DHRS12: variants seen among roughly 807,000 people sequenced by gnomAD.
DHRS12 encodes the protein dehydrogenase/reductase 12.
A neutral mutation model predicts 32.1 loss-of-function variants in DHRS12; 29 were observed. That is an observed-to-expected ratio of 0.90 (90% CI 0.67 to 1.23). DHRS12 has a LOEUF of 1.23. Ranked by LOEUF, DHRS12 falls within the 50% of genes most tolerant of loss-of-function variation. The probability of loss-of-function intolerance (pLI) is 0.00; values close to 1 mark genes in which losing one functional copy is unlikely to be tolerated. For synonymous variants in DHRS12, 150 were observed against 135.9 expected, an observed-to-expected ratio of 1.10 and a Z score of -0.72; for missense variants, 330 against 337.2, an observed-to-expected ratio of 0.98 and a Z score of 0.17.
intron 7 of DHRS12, among the ~76,000 whole-genome samples, chr13:51,770,578 C>A (rs1953964161): frequency 6.6e-6 from 1 of 152,190 alleles, no homozygotes; most frequent in African/African-American, 2.4e-5. Context: ...TCTGAGCACT[C>A]CCAGGCTGAG....
intron 2 of DHRS12, among the ~76,000 whole-genome samples, chr13:51,796,416 T>C (rs904746982): frequency 6.6e-6 from 1 of 152,160 alleles, no homozygotes; most frequent in Non-Finnish European, 1.5e-5. Flanking sequence ...GTGAATGTCC[T>C]GTGTGTGCAT....
the DHRS12 span, chr13:51,762,113 A>G: frequency 6.6e-6 from 1 of 152,242 alleles, no homozygotes; most frequent in Admixed American, 6.5e-5. Context: ...GTTGGAAATG[A>G]GTAATAGAGC....
chr13:51,803,416 A>G (rs1315767312), intron 1 of DHRS12: 1 of 152,236 alleles, frequency 6.6e-6, no homozygotes, highest in Non-Finnish European at 1.5e-5. Context: ...TAGCCTAATC[A>G]ATTCTAAGAG....
At chr13:51,757,015 T>G in the DHRS12 span, among the ~76,000 whole-genome samples, 1 of 152,174 alleles carries the variant, frequency 6.6e-6, no homozygotes, top group African/African-American at 2.4e-5. Flanking sequence ...TGTTATCTCT[T>G]TAGTGTTGGC....
intron 4 of DHRS12, among the ~76,000 whole-genome samples, chr13:51,781,722 C>G (rs1189157842): frequency 6.6e-6 from 1 of 152,188 alleles, no homozygotes; most frequent in Non-Finnish European, 1.5e-5. Flanking sequence ...ACCAAGGCAG[C>G]TGCAACCGAG....
intron 4 of DHRS12, among the ~76,000 whole-genome samples, chr13:51,780,283 G>A (rs189231413): frequency 7.2e-5 from 11 of 152,144 alleles, no homozygotes; most frequent in African/African-American, 2.7e-4. Flanking sequence ...TCATATCTTC[G>A]TGTGAACCAG....
chr13:51,770,887 T>TA, intron 7 of DHRS12: 1 of 1,152,616 alleles, frequency 8.7e-7, no homozygotes, highest in Non-Finnish European at 1.1e-6. Context: ...ACAGGTGTTC[T>TA]ATAATTTATT....
chr13:51,791,052 TCTTA>T (rs1955243761), intron 3 of DHRS12, 109 bp downstream of exon 3: 1 of 652,606 alleles, frequency 1.5e-6, no homozygotes, highest in Non-Finnish European at 2.5e-6. Flanking sequence ...CATAAGAGAG[TCTTA>T]CTAAGATTCT....
chr13:51,760,942 A>AC, the DHRS12 span: 1 of 152,022 alleles, frequency 6.6e-6, no homozygotes, highest in Non-Finnish European at 1.5e-5. Flanking sequence ...AGGGTTGGGG[A>AC]CCCCCACCAT....
At chr13:51,772,765 C>A (rs1954090337) in intron 6 of DHRS12, 1 of 985,326 alleles carries the variant, frequency 1.0e-6, no homozygotes, top group African/African-American at 1.7e-5. Context: ...CATCTCTGGG[C>A]CTCATTTACA....
intron 8 of DHRS12, 57 bp from the exon 9 acceptor site, chr13:51,768,353 A>G (rs1953847341): frequency 2.0e-6 from 3 of 1,533,526 alleles, no homozygotes; most frequent in Non-Finnish European, 2.6e-6. Context: ...GGCTGGGTCC[A>G]TGTCCCTGTG....
At chr13:51,768,383 A>G in intron 8 of DHRS12, 87 bp from the exon 9 acceptor site, 1 of 1,517,574 alleles carries the variant, frequency 6.6e-7, no homozygotes, top group Non-Finnish European at 8.8e-7. Context: ...CCTTGAACCG[A>G]CGCCTGCTGG....
At chr13:51,764,035 T>C (rs544968490), downstream of DHRS12, 1 of 152,362 alleles carries the variant, frequency 6.6e-6, no homozygotes, top group East Asian at 1.9e-4. Flanking sequence ...ATTCTTATTT[T>C]TTCTCCTTTA....
rs200754188 is a variant in DHRS12, at chr13:51,771,543, A to G, written c.559+278T>C. 5.6e-6 allele frequency: 9 copies of G among 1,609,396 alleles called. No individual in the cohort carries two copies. The African/African-American group carries it at 1.2e-4, about 21-fold the overall frequency. The stretch of plus-strand genomic sequence containing the variant: ...CACCGGCTCCCTCTCTCACCAGGAT[A>G]TGCTGTAGTTAGCAGGGCGCCCCAG... On this transcript the variant is annotated intron_variant, in intron 7 of 8. Transcript: ENST00000444610.
intron 8 of DHRS12, chr13:51,768,635 G>A (rs1434709069): frequency 3.5e-6 from 4 of 1,145,978 alleles, no homozygotes; most frequent in Non-Finnish European, 4.3e-6. Context: ...AAGAACAGAG[G>A]AAAGAGAAGC....
intron 8 of DHRS12, chr13:51,768,786 A>C: frequency 8.3e-7 from 1 of 1,202,880 alleles, no homozygotes; most frequent in Non-Finnish European, 1.0e-6. Flanking sequence ...AGAGTCCCTT[A>C]CACCCTTTGC....
intron 4 of DHRS12, among the ~76,000 whole-genome samples, chr13:51,788,865 A>C (rs961686387): frequency 6.6e-6 from 1 of 152,064 alleles, no homozygotes; most frequent in African/African-American, 2.4e-5. Context: ...GTCTCAAAAA[A>C]AAAAATAGTA....
chr13:51,800,122 G>A (rs571126904), intron 1 of DHRS12, among the ~76,000 whole-genome samples: 2 of 152,302 alleles, frequency 1.3e-5, no homozygotes, highest in South Asian at 4.1e-4. Flanking sequence ...AAAGGAGGAG[G>A]ATGGTAGAGT....
intron 2 of DHRS12, chr13:51,797,982 G>T (rs1955584612): frequency 2.8e-6 from 4 of 1,410,286 alleles, no homozygotes; most frequent in Non-Finnish European, 3.9e-6. Context: ...AATGAAAAAT[G>T]AAGACATATG....
Sources: allele counts gnomAD v4.1 joint callset (sites outside exome capture counted in the v4.1 genomes callset), GRCh38; gene constraint gnomAD v4.1.1; transcripts MANE v1.5; gene names NCBI Gene and HGNC (gene_info 2026-07-23, HGNC 2026-07-21).